The following DISP1 variants were observed in gnomAD, a reference collection of about 807,000 sequenced individuals.
DISP1 encodes the protein protein dispatched homolog 1.
A neutral mutation model predicts 37.3 loss-of-function variants in DISP1; 30 were observed. The observed-to-expected ratio is 0.80, with a 90% CI of 0.60 to 1.09. The LOEUF is 1.09. DISP1 is among the 50% of genes least tolerant of loss of function. The pLI, the probability that DISP1 is intolerant of heterozygous loss-of-function variation, is 0.00. For missense variants in DISP1, 1,598 were observed against 1,879.5 expected, an observed-to-expected ratio of 0.85 and a Z score of 2.77; for synonymous variants, 634 against 690.2, an observed-to-expected ratio of 0.92 and a Z score of 1.28.
intron 1 of DISP1, among the ~76,000 whole-genome samples, chr1:222,832,234 G>A (rs1179378361): frequency 6.6e-6 from 1 of 152,134 alleles, no homozygotes; most frequent in Admixed American, 6.5e-5. Context: ...TTGCACCACT[G>A]CACTCCAGCC....
At position 223,003,609 on chromosome 1, in the gene DISP1, A is replaced by G; in HGVS notation, c.2212A>G (p.Ile738Val). Residue 738 changes from isoleucine to valine, a missense_variant, in exon 9 of 9, where the codon ATA becomes GTA. By Grantham distance (29) the Ile-to-Val change is conservative. Transcript: ENST00000675850. This position sits in a 1 kb window ranked among gnomAD's most constrained non-coding sequence, Gnocchi z 4.3. The part of the protein sequence containing the change: ...LTVGGAYIVC[I>V]NPKMKLPSLE... Reference sequence around the variant, plus strand: ...TGTAGGTGGGGCCTACATTGTATGTATAAATCCAAAGATGAAACTGCCCTC... The same window carrying G: ...TGTAGGTGGGGCCTACATTGTATGTGTAAATCCAAAGATGAAACTGCCCTC... The G allele has an allele frequency of 6.2e-7, 1 of 1,614,190 alleles. No individual in the cohort carries two copies. Among genetic ancestry groups the G allele is most frequent in the Non-Finnish European group, 8.5e-7 (1 of 1,180,044 alleles).
chr1:222,844,611 T>A (rs1667793293), intron 1 of DISP1, among the ~76,000 whole-genome samples: 1 of 152,112 alleles, frequency 6.6e-6, no homozygotes, highest in African/African-American at 2.4e-5. Flanking sequence ...TTGAAGTTAG[T>A]GTAAATTTGC....
intron 4 of DISP1, 64 bp downstream of exon 4, chr1:222,983,173 A>G: frequency 4.1e-6 from 5 of 1,226,184 alleles, no homozygotes; most frequent in Non-Finnish European, 6.0e-6. Context: ...CCAGTCTAGT[A>G]TTTTCTCCGT....
chr1:222,922,576 C>T (rs1394378058), intron 1 of DISP1, among the ~76,000 whole-genome samples: 1 of 152,036 alleles, frequency 6.6e-6, no homozygotes. Flanking sequence ...GCTTAAATGA[C>T]TGAAAGGGTG....
intron 7 of DISP1, among the ~76,000 whole-genome samples, chr1:222,992,950 C>T (rs549633723): frequency 1.3e-5 from 2 of 150,804 alleles, no homozygotes; most frequent in African/African-American, 4.9e-5. Context: ...CAACCTCCAT[C>T]TCCCAGGTTC....
rs767260650 is a variant in DISP1, at chr1:223,003,017, T to A, written c.1620T>A (p.Ile540=). The change falls in exon 9 of 9, where the codon ATT becomes ATA. Residue 540 remains isoleucine (I), a synonymous_variant. Transcript: ENST00000675850. The surrounding 1 kb of genome is among the most constrained non-coding windows in gnomAD (Gnocchi z 4.3). ...MTMFAIISSL[I]VSYFLYRVVF... is the part of the protein sequence containing the mutation. ...TGTTTGCAATAATCAGTTCTTTGATTGTTTCCTATTTTCTCTATCGTGTAG... is the reference window on the plus strand; with the variant it reads ...TGTTTGCAATAATCAGTTCTTTGATAGTTTCCTATTTTCTCTATCGTGTAG... 1.9e-6 allele frequency: 3 copies of A among 1,614,030 alleles called. No individual in the cohort carries two copies. Among genetic ancestry groups the A allele is most frequent in the Non-Finnish European group, 2.5e-6 (3 of 1,180,054 alleles).
chr1:222,844,554 T>C (rs993283507), intron 1 of DISP1, among the ~76,000 whole-genome samples: 1 of 152,136 alleles, frequency 6.6e-6, no homozygotes, highest in Admixed American at 6.5e-5. Context: ...TGTTCATTAG[T>C]GTTGTAACTG....
chr1:222,985,266 A>T (rs1363934289), intron 4 of DISP1, among the ~76,000 whole-genome samples: 1 of 152,230 alleles, frequency 6.6e-6, no homozygotes, highest in African/African-American at 2.4e-5. Flanking sequence ...TCTTCAACAA[A>T]GCCTTTCCTG....
chr1:222,854,455 T>G (rs1385479927), intron 1 of DISP1, among the ~76,000 whole-genome samples: 2 of 152,096 alleles, frequency 1.3e-5, no homozygotes, highest in Admixed American at 1.3e-4. Flanking sequence ...GAGAACATCA[T>G]GGGGGAAACT....
At chr1:222,825,158 G>A (rs1195279263) in intron 1 of DISP1, among the ~76,000 whole-genome samples, 2 of 137,290 alleles carry the variant, frequency 1.5e-5, no homozygotes, top group African/African-American at 2.6e-5. Flanking sequence ...ATGTGGGGGG[G>A]CAGTGGTGGG....
chr1:222,823,781 G>A (rs1663569177), intron 1 of DISP1: 1 of 150,590 alleles, frequency 6.6e-6, no homozygotes, highest in Admixed American at 6.6e-5. Flanking sequence ...TTTAATATAT[G>A]TAGATTGCTT....
intron 1 of DISP1, among the ~76,000 whole-genome samples, chr1:222,879,920 AG>A (rs1180250229): frequency 6.6e-6 from 1 of 152,188 alleles, no homozygotes; most frequent in African/African-American, 2.4e-5. Context: ...TGGAATATAG[AG>A]GAGCATAACA....
At chr1:222,918,691 G>C (rs1672632523) in intron 1 of DISP1, among the ~76,000 whole-genome samples, 1 of 152,236 alleles carries the variant, frequency 6.6e-6, no homozygotes, top group African/African-American at 2.4e-5. Context: ...CATGGTGATA[G>C]ATCTTGAGGA....
At chr1:222,917,547 T>G (rs1050367937) in intron 1 of DISP1, among the ~76,000 whole-genome samples, 7 of 152,230 alleles carry the variant, frequency 4.6e-5, no homozygotes, top group Non-Finnish European at 1.0e-4. Flanking sequence ...GGGAAGAATT[T>G]GGCTATTTCT....
At chr1:222,913,467 A>G (rs17476864) in intron 1 of DISP1, among the ~76,000 whole-genome samples, 27,818 of 152,100 alleles carry the variant, frequency 0.18, 2,695 homozygotes, top group Admixed American at 0.25. Flanking sequence ...CTTGAATTAT[A>G]TTTCTCTTAT....
intron 4 of DISP1, among the ~76,000 whole-genome samples, chr1:222,985,695 C>T (rs772607522): frequency 3.0e-4 from 45 of 152,016 alleles, no homozygotes; most frequent in Admixed American, 1.5e-3. Flanking sequence ...TTTTTTTAAC[C>T]TGTCTTGTAG....
At chr1:222,964,196 G>T (rs982888162) in intron 3 of DISP1, among the ~76,000 whole-genome samples, 1 of 151,734 alleles carries the variant, frequency 6.6e-6, no homozygotes, top group African/African-American at 2.4e-5. Flanking sequence ...CTACTTGGGA[G>T]CCTGAGGCAG....
At chr1:222,952,627 G>T (rs572044316) in intron 3 of DISP1, among the ~76,000 whole-genome samples, 1 of 152,160 alleles carries the variant, frequency 6.6e-6, no homozygotes, top group East Asian at 1.9e-4. Flanking sequence ...CGAGGCAGGC[G>T]GATCACAAGG....
At chr1:222,843,602 C>T (rs563388741) in intron 1 of DISP1, among the ~76,000 whole-genome samples, 13 of 151,848 alleles carry the variant, frequency 8.6e-5, no homozygotes, top group Admixed American at 7.2e-4. Context: ...ATAAAAATAG[C>T]AAACAAGAAC....
Sources: allele counts gnomAD v4.1 joint callset (sites outside exome capture counted in the v4.1 genomes callset), GRCh38; gene constraint gnomAD v4.1.1; non-coding constraint Gnocchi (gnomAD v3.1); transcripts MANE v1.5; gene names NCBI Gene and HGNC (gene_info 2026-07-23, HGNC 2026-07-21).